The following PDK3 variants were observed in gnomAD, a reference collection of about 807,000 sequenced individuals.
The protein encoded by PDK3 is pyruvate dehydrogenase kinase 3.
PDK3 carries 12 observed loss-of-function variants against 32.0 expected under a neutral mutation model. The ratio of observed to expected loss-of-function variants is 0.37; its 90% CI spans 0.24 to 0.61. The LOEUF is 0.61. Among genes scored for constraint, PDK3 ranks in the 20% least tolerant of loss-of-function variants. PDK3 has a pLI of 0.65. For missense variants in PDK3, 188 were observed against 316.9 expected, an observed-to-expected ratio of 0.59 and a Z score of 3.09; for synonymous variants, 122 against 116.3, an observed-to-expected ratio of 1.05 and a Z score of -0.31.
chrX:24,467,355 T>G (rs1449869457), intron 1 of PDK3, among the ~76,000 whole-genome samples: 1 of 112,754 alleles, frequency 8.9e-6, no homozygotes, highest in Admixed American at 9.4e-5. Flanking sequence ...GGAAGAGGCA[T>G]GAACTTTCTA....
In PDK3 at chrX:24,498,834, T is replaced by C; in HGVS notation, c.254T>C (p.Met85Thr). ...PSVGLVQSWY[M>T]QSFLELLEYE... The stretch of plus-strand genomic sequence containing the variant: ...TTTTTTTTTTTTCCTTTTAGGTATA[T>C]GCAGAGTTTTCTTGAACTTTTAGAA... The change falls in exon 3 of 11, where the codon ATG becomes ACG. Residue 85 changes from methionine (M) to threonine (T), a missense_variant. Coordinates refer to ENST00000379162, the MANE Select transcript of PDK3 (RefSeq NM_005391.5). 8.9e-7 allele frequency: 1 copy of C among 1,120,192 alleles called. No individual in the cohort carries two copies. The highest frequency in any genetic ancestry group is 3.1e-5 in the East Asian group (1 of 32,556). The allele number at this position is 1,120,192 out of a possible 1,213,427, so 92.3% of individuals were successfully genotyped here. A position where few individuals can be genotyped will look rare whatever the true frequency, so the allele number is the denominator to read the frequency against.
At chrX:24,516,088 T>C (rs1341164633) in intron 5 of PDK3, among the ~76,000 whole-genome samples, 1 of 111,998 alleles carries the variant, frequency 8.9e-6, no homozygotes, top group African/African-American at 3.2e-5. Context: ...GAACATACCC[T>C]AATCTTATCT....
chrX:24,506,801 C>CTTTTTTTTTTTTTTTT (rs10682263), intron 5 of PDK3, among the ~76,000 whole-genome samples: 5 of 49,505 alleles, frequency 1.0e-4, no homozygotes, highest in Non-Finnish European at 1.0e-4. Flanking sequence ...TTTTTTCTTT[C>CTTTTTTTTTTTTTTTT]TTTTTTTTTT....
chrX:24,475,799 A>G (rs748302946), intron 1 of PDK3, among the ~76,000 whole-genome samples: 3 of 111,555 alleles, frequency 2.7e-5, no homozygotes, highest in Non-Finnish European at 3.8e-5. Context: ...GCATTTTAAC[A>G]TGGCGTGGTT....
At chrX:24,547,440 A>C (rs1005441104) in exon 12 of PDK3, 4 of 112,078 alleles carry the variant, frequency 3.6e-5, no homozygotes, top group Admixed American at 9.5e-5. Flanking sequence ...TTATGTAGAA[A>C]TTTTATTAAG....
At chrX:24,524,755 G>C (rs1922481771) in intron 6 of PDK3, among the ~76,000 whole-genome samples, 1 of 112,137 alleles carries the variant, frequency 8.9e-6, no homozygotes, top group African/African-American at 3.2e-5. Flanking sequence ...AAGAGTGGCT[G>C]CCTCTGGGTT....
At chrX:24,465,588 G>A in intron 1 of PDK3, 27 bp downstream of exon 1, 2 of 1,041,683 alleles carry the variant, frequency 1.9e-6, no homozygotes, top group Non-Finnish European at 2.6e-6. Flanking sequence ...GGGTCCCCAT[G>A]GGCCCGGGGC....
At chrX:24,485,747 C>A (rs1216764124) in intron 1 of PDK3, among the ~76,000 whole-genome samples, 1 of 111,623 alleles carries the variant, frequency 9.0e-6, no homozygotes, top group Non-Finnish European at 1.9e-5. Context: ...GTGGTATTAG[C>A]GCCCACTGAA....
downstream of PDK3, among the ~76,000 whole-genome samples, chrX:24,537,282 ATTTTTTTTTT>A (rs1167543267): frequency 3.0e-5 from 2 of 65,666 alleles, no homozygotes; most frequent in South Asian, 1.6e-3. Flanking sequence ...ACGCCTGGCT[ATTTTTTTTTT>A]TTTTTTTTTT....
chrX:24,483,646 A>G (rs911557395), intron 1 of PDK3, among the ~76,000 whole-genome samples: 3 of 111,743 alleles, frequency 2.7e-5, no homozygotes, highest in African/African-American at 9.8e-5. Flanking sequence ...TCTGAATTTT[A>G]TTTGCTATGT....
chrX:24,482,180 A>G (rs952971188), intron 1 of PDK3, among the ~76,000 whole-genome samples: 5 of 111,863 alleles, frequency 4.5e-5, no homozygotes, highest in African/African-American at 6.5e-5. Context: ...GGGCAAAGCC[A>G]TGGTTAAAAT....
downstream of PDK3, among the ~76,000 whole-genome samples, chrX:24,538,420 A>G (rs972235074): frequency 1.8e-5 from 2 of 112,317 alleles, no homozygotes; most frequent in Non-Finnish European, 3.8e-5. Context: ...TTTATTTTCA[A>G]AACAGTTTCT....
Position 24,486,654 on chromosome X carries a change from TG to T in PDK3, c.107-8084del, listed in dbSNP as rs1921408181. 5.4e-5 allele frequency among the ~76,000 whole-genome samples: 6 copies of T among 111,212 alleles called. No homozygotes were observed. The South Asian group carries it at 2.3e-3, about 42-fold the overall frequency. On this transcript the variant is annotated intron_variant, in intron 1 of 10. Transcript: ENST00000379162. Reference sequence around the variant, plus strand: ...TCTTTTTGTTTTTGTTTTTTTGAAATGGGGTGTCACTCTGTCACCTGGGCTG... The same window carrying T: ...TCTTTTTGTTTTTGTTTTTTTGAAATGGGTGTCACTCTGTCACCTGGGCTG...
chrX:24,496,320 C>T (rs941596597), intron 2 of PDK3, among the ~76,000 whole-genome samples: 2 of 109,226 alleles, frequency 1.8e-5, no homozygotes, highest in Non-Finnish European at 3.8e-5. Flanking sequence ...CACACACACA[C>T]GTGCGTGCAC....
At chrX:24,523,680 G>T (rs962814421) in intron 6 of PDK3, among the ~76,000 whole-genome samples, 3 of 112,225 alleles carry the variant, frequency 2.7e-5, no homozygotes, top group African/African-American at 9.7e-5. Flanking sequence ...AACCTAGGAA[G>T]AATTAGGGCT....
exon 12 of PDK3, among the ~76,000 whole-genome samples, chrX:24,541,110 CATGT>C (rs1922886469): frequency 9.4e-6 from 1 of 106,659 alleles, no homozygotes; most frequent in African/African-American, 3.4e-5. Flanking sequence ...GGGGTTTCAC[CATGT>C]TGGCCAGGCT....
intron 1 of PDK3, among the ~76,000 whole-genome samples, chrX:24,466,120 G>A: frequency 9.0e-6 from 1 of 110,748 alleles, no homozygotes. Flanking sequence ...TGGGAAGAGC[G>A]GACGTCTGGG....
At chrX:24,493,899 G>A (rs1913545516) in intron 1 of PDK3, among the ~76,000 whole-genome samples, 1 of 112,027 alleles carries the variant, frequency 8.9e-6, no homozygotes, top group Non-Finnish European at 1.9e-5. Context: ...TTCCAGCAGG[G>A]CTGGGGGTTG....
chrX:24,495,836 G>A (rs1423467001), intron 2 of PDK3, among the ~76,000 whole-genome samples: 1 of 111,888 alleles, frequency 8.9e-6, no homozygotes, highest in Non-Finnish European at 1.9e-5. Context: ...AGGCTATCTA[G>A]AGGTCCCGTC....
Sources: allele counts gnomAD v4.1 joint callset (sites outside exome capture counted in the v4.1 genomes callset), GRCh38; gene constraint gnomAD v4.1.1; transcripts MANE v1.5; gene names NCBI Gene and HGNC (gene_info 2026-07-23, HGNC 2026-07-21).